The following WWOX variants were observed in gnomAD, a reference collection of about 807,000 sequenced individuals.
The protein encoded by WWOX is WW domain-containing oxidoreductase.
WWOX carries 69 observed loss-of-function variants against 46.2 expected under a neutral mutation model. The ratio of observed to expected loss-of-function variants is 1.49; its 90% confidence interval spans 1.23 to 1.82. The LOEUF is 1.82. WWOX is among the 40% of genes most tolerant of loss of function. WWOX has a pLI of 0.00. For missense variants in WWOX, 919 were observed against 542.6 expected (o/e 1.69, Z -6.89); for synonymous variants, 359 against 202.6 (o/e 1.77, Z -6.56).
chr16:78,635,010 G>C (rs376630310), intron 8 of WWOX, among the ~76,000 whole-genome samples: 1 of 152,110 alleles, frequency 6.6e-6, no homozygotes, highest in African/African-American at 2.4e-5. Context: ...CCATGCTTTC[G>C]TTTGGGATTC....
chr16:78,210,364 C>T (rs142251374), intron 5 of WWOX, among the ~76,000 whole-genome samples: 1,955 of 152,302 alleles, frequency 0.013, 22 homozygotes, highest in Middle Eastern at 0.027. Flanking sequence ...ATGAGACTGT[C>T]AGTTTGCTTT....
At chr16:79,006,075 G>A (rs2047184545) in intron 8 of WWOX, among the ~76,000 whole-genome samples, 1 of 152,154 alleles carries the variant, frequency 6.6e-6, no homozygotes, top group African/African-American at 2.4e-5. Flanking sequence ...AACAAGGCAT[G>A]GTCACTGCGC....
At chr16:78,673,053 C>G (rs570517437) in intron 8 of WWOX, among the ~76,000 whole-genome samples, 1 of 152,214 alleles carries the variant, frequency 6.6e-6, no homozygotes, top group Non-Finnish European at 1.5e-5. Flanking sequence ...GGGGGAATGG[C>G]CTGAGAAAGC....
intron 1 of WWOX, among the ~76,000 whole-genome samples, chr16:78,103,211 T>TAA (rs1406444728): frequency 6.6e-6 from 1 of 151,762 alleles, no homozygotes; most frequent in East Asian, 1.9e-4. Flanking sequence ...ACTAGTGTCT[T>TAA]AAATCTCAAG....
intron 8 of WWOX, among the ~76,000 whole-genome samples, chr16:78,667,487 G>T (rs2047358756): frequency 6.6e-6 from 1 of 151,792 alleles, no homozygotes; most frequent in Admixed American, 6.6e-5. Context: ...TGGTTAACAC[G>T]GTGAAACCCT....
chr16:78,175,088 C>T (rs2035295858), intron 5 of WWOX, among the ~76,000 whole-genome samples: 3 of 151,908 alleles, frequency 2.0e-5, no homozygotes, highest in African/African-American at 4.8e-5. Flanking sequence ...GCAGGGGGCC[C>T]CTTCCATCCG....
At chr16:78,139,105 G>C (rs1301091225) in intron 4 of WWOX, among the ~76,000 whole-genome samples, 1 of 152,170 alleles carries the variant, frequency 6.6e-6, no homozygotes, top group Non-Finnish European at 1.5e-5. Flanking sequence ...CAAAGTCATT[G>C]GGTCATGTCC....
intron 8 of WWOX, among the ~76,000 whole-genome samples, chr16:78,652,438 G>GAA (rs1384173854): frequency 6.9e-6 from 1 of 144,966 alleles, no homozygotes; most frequent in African/African-American, 2.6e-5. Flanking sequence ...AAAAGAAAAA[G>GAA]AAAAAGGTGT....
intron 6 of WWOX, among the ~76,000 whole-genome samples, chr16:78,400,372 C>T (rs992947374): frequency 6.6e-6 from 1 of 152,096 alleles, no homozygotes; most frequent in African/African-American, 2.4e-5. Context: ...CTGAAAACTC[C>T]TGAGAGACTG....
At chr16:78,626,648 C>A (rs1410165466) in intron 8 of WWOX, among the ~76,000 whole-genome samples, 1 of 152,128 alleles carries the variant, frequency 6.6e-6, no homozygotes, top group Non-Finnish European at 1.5e-5. Flanking sequence ...CTCTACTTTC[C>A]ACACTGCTGC....
At chr16:79,174,749 G>A (rs1381776381) in intron 8 of WWOX, among the ~76,000 whole-genome samples, 3 of 152,182 alleles carry the variant, frequency 2.0e-5, no homozygotes, top group East Asian at 3.8e-4. Context: ...GAATATGAGT[G>A]AGCAGTACTC....
At chr16:79,099,712 C>T (rs1204616375) in intron 8 of WWOX, among the ~76,000 whole-genome samples, 1 of 152,026 alleles carries the variant, frequency 6.6e-6, no homozygotes, top group Non-Finnish European at 1.5e-5. Flanking sequence ...CCGAAAATAA[C>T]ATGAACTTTT....
intron 8 of WWOX, among the ~76,000 whole-genome samples, chr16:78,469,420 A>C (rs2084167740): frequency 6.6e-6 from 1 of 150,604 alleles, no homozygotes; most frequent in African/African-American, 2.5e-5. Flanking sequence ...GGCTGAAGGC[A>C]AACCAAAAGT....
chr16:78,543,940 C>G (rs1486183293), intron 8 of WWOX, among the ~76,000 whole-genome samples: 1 of 152,020 alleles, frequency 6.6e-6, no homozygotes, highest in African/African-American at 2.4e-5. Context: ...CCATAAATTT[C>G]TTGTCAAAAA....
rs188383957 is a variant in WWOX, at chr16:78,803,149, C to G, written c.1056+370397C>G. 1.3e-4 allele frequency among the ~76,000 whole-genome samples: 19 copies of G among 151,566 alleles called. No homozygotes were observed. The East Asian group carries it at 3.3e-3, about 26-fold the overall frequency. On this transcript the variant is annotated intron_variant, in intron 8 of 8. Transcript: ENST00000566780. ...ATTAGTCTTTCAGGATCCAACAGTT[C>G]TGATTTATTCCACTCACACAACAAG...
At chr16:78,768,853 G>C (rs2049991192) in intron 8 of WWOX, among the ~76,000 whole-genome samples, 1 of 152,146 alleles carries the variant, frequency 6.6e-6, no homozygotes, top group Admixed American at 6.5e-5. Context: ...TCCAGTCAAA[G>C]AGAAAGGAGA....
At chr16:78,281,763 T>C (rs954733123) in intron 5 of WWOX, among the ~76,000 whole-genome samples, 16 of 152,196 alleles carry the variant, frequency 1.1e-4, no homozygotes, top group African/African-American at 3.1e-4. Context: ...GAAGCATTTT[T>C]AGCCTGTGTG....
chr16:78,847,892 T>C (rs2052342053), intron 8 of WWOX, among the ~76,000 whole-genome samples: 2 of 152,184 alleles, frequency 1.3e-5, no homozygotes, highest in Admixed American at 6.5e-5. Flanking sequence ...AGCGGTCAGA[T>C]ACTGGGACTT....
rs556529134 is a variant in WWOX, at chr16:78,627,464, A to G, written c.1056+194712A>G. Among the ~76,000 whole-genome samples the G allele has an allele frequency of 3.9e-5, 6 of 152,336 alleles. No homozygotes were observed. In the South Asian group the frequency reaches 6.2e-4, roughly 16 times the overall value. ...TGGCTGGTCTCCAAGGCCTCTTCCA[A>G]TCTTGACATTCTGTGATCCTGTAAG... On this transcript the variant is annotated intron_variant, in intron 8 of 8. Transcript: ENST00000566780.
Sources: gnomAD v4.1 joint callset for allele counts (sites outside exome capture counted in the v4.1 genomes callset) on GRCh38, gnomAD v4.1.1 for gene constraint, MANE v1.5 for transcripts, NCBI Gene and HGNC (gene_info 2026-07-23, HGNC 2026-07-21) for gene names.